BLTP1: variants seen among roughly 807,000 people sequenced by gnomAD.
The protein encoded by BLTP1 is fragile site-associated protein.
At chr4:122,256,409 G>C in the BLTP1 span, among the ~76,000 whole-genome samples, 1 of 152,200 alleles carries the variant, frequency 6.6e-6, no homozygotes, top group Non-Finnish European at 1.5e-5. Context: ...TGCTCTGCCA[G>C]ATGTGTTTTC....
the BLTP1 span, chr4:122,246,293 C>T: frequency 1.3e-6 from 2 of 1,568,728 alleles, no homozygotes; most frequent in Non-Finnish European, 8.6e-7. Context: ...TGTTAGCATA[C>T]CAAAGGTAAC....
At chr4:122,303,896 G>A in the BLTP1 span, among the ~76,000 whole-genome samples, 1 of 152,150 alleles carries the variant, frequency 6.6e-6, no homozygotes, top group African/African-American at 2.4e-5. Flanking sequence ...GATTTAGAAT[G>A]TTCCATAAAC....
At chr4:122,321,527 ATATATGTGTGTGTATAT>A in the BLTP1 span, among the ~76,000 whole-genome samples, 3 of 149,800 alleles carry the variant, frequency 2.0e-5, no homozygotes, top group African/African-American at 7.4e-5. Flanking sequence ...GTGCATGTGT[ATATATGTGTGTGTATAT>A]ATACACACAC....
chr4:122,174,412 G>A, the BLTP1 span: 1 of 952,126 alleles, frequency 1.1e-6, no homozygotes, highest in Non-Finnish European at 1.3e-6. Flanking sequence ...TTTTATTGGG[G>A]AAAGAATGAT....
the BLTP1 span, chr4:122,210,194 T>TA: frequency 1.4e-5 from 3 of 208,864 alleles, no homozygotes; most frequent in African/African-American, 7.1e-5. Flanking sequence ...ATTTTTATCT[T>TA]AAAGTTGAGG....
chr4:122,325,559 G>A, the BLTP1 span: 2 of 1,190,554 alleles, frequency 1.7e-6, no homozygotes. Flanking sequence ...CTCCATAACT[G>A]CTTTCTCTTA....
the BLTP1 span, chr4:122,286,857 G>A: frequency 8.0e-7 from 1 of 1,253,892 alleles, no homozygotes; most frequent in Non-Finnish European, 1.1e-6. Flanking sequence ...ACCAAAATAT[G>A]TAGTAATCCA....
chr4:122,215,092 A>C, the BLTP1 span, among the ~76,000 whole-genome samples: 35 of 152,250 alleles, frequency 2.3e-4, no homozygotes, highest in Non-Finnish European at 3.8e-4. Flanking sequence ...AACTCATGAA[A>C]GAATCCTAGT....
chr4:122,231,881 A>G, the BLTP1 span: 3 of 906,496 alleles, frequency 3.3e-6, no homozygotes, highest in Non-Finnish European at 4.0e-6. Flanking sequence ...TTTTATTGAA[A>G]TTACATTAAT....
the BLTP1 span, chr4:122,315,403 AGT>A: frequency 1.9e-6 from 3 of 1,600,980 alleles, no homozygotes; most frequent in Non-Finnish European, 2.6e-6. Flanking sequence ...TACTTTGTAA[AGT>A]TATTTCAATT....
At chr4:122,339,333 G>A in the BLTP1 span, 1 of 1,613,406 alleles carries the variant, frequency 6.2e-7, no homozygotes, top group Non-Finnish European at 8.5e-7. Flanking sequence ...TACATATCCT[G>A]CAGAGACTTT....
At chr4:122,188,876 A>G in the BLTP1 span, 1 of 834,290 alleles carries the variant, frequency 1.2e-6, no homozygotes, top group African/African-American at 1.9e-5. Flanking sequence ...ATTCCTTTTT[A>G]GTTGTAACTC....
chr4:122,274,969 G>C, the BLTP1 span, among the ~76,000 whole-genome samples: 5 of 152,018 alleles, frequency 3.3e-5, no homozygotes, highest in African/African-American at 1.2e-4. Context: ...AATGAGTTTT[G>C]GCTAAAATCA....
At chr4:122,339,578 T>C in the BLTP1 span, among the ~76,000 whole-genome samples, 7 of 152,198 alleles carry the variant, frequency 4.6e-5, no homozygotes, top group African/African-American at 1.7e-4. Flanking sequence ...GTATATTTCA[T>C]GTGTTATTTG....
chr4:122,260,422 T>C, the BLTP1 span, among the ~76,000 whole-genome samples: 14 of 151,808 alleles, frequency 9.2e-5, no homozygotes, highest in South Asian at 4.2e-4. Context: ...CAATACCAAA[T>C]AGAAAAAATG....
the BLTP1 span, chr4:122,287,447 A>G: frequency 3.8e-6 from 1 of 265,380 alleles, no homozygotes; most frequent in East Asian, 1.8e-4. Flanking sequence ...GCGGAGAAGT[A>G]AACACCTTTC....
chr4:122,313,957 T>C, the BLTP1 span: 3 of 769,708 alleles, frequency 3.9e-6, no homozygotes, highest in Non-Finnish European at 4.7e-6. Context: ...CCTTCATACT[T>C]TTAAATTTTT....
chr4:122,238,360 C>T, the BLTP1 span: 2 of 1,609,788 alleles, frequency 1.2e-6, no homozygotes, highest in South Asian at 1.1e-5. Context: ...GGTCAGTATT[C>T]ACTTAGATTT....
chr4:122,325,252 G>A, the BLTP1 span: 2 of 1,608,270 alleles, frequency 1.2e-6, no homozygotes, highest in Non-Finnish European at 1.7e-6. Context: ...AGAAACTGAA[G>A]AGCTCCCAGA....
Sources: gnomAD v4.1 joint callset for allele counts (sites outside exome capture counted in the v4.1 genomes callset) on GRCh38, gnomAD v4.1.1 for gene constraint, MANE v1.5 for transcripts, NCBI Gene and HGNC (gene_info 2026-07-23, HGNC 2026-07-21) for gene names.